The following SLCO3A1 variants were observed in gnomAD, a reference collection of about 807,000 sequenced individuals.
The protein encoded by SLCO3A1 is solute carrier organic anion transporter family member 3A1, also known as PGE1 transporter.
Under a neutral mutation model 63.1 loss-of-function variants are expected in SLCO3A1, and 27 were observed. That is an observed-to-expected ratio of 0.43 (90% CI 0.32 to 0.59). SLCO3A1 has a LOEUF of 0.59. Among genes scored for constraint, SLCO3A1 ranks in the 20% least tolerant of loss-of-function variants. SLCO3A1 has a pLI of 0.09. For synonymous variants in SLCO3A1, 473 were observed against 409.9 expected, an observed-to-expected ratio of 1.15 and a Z score of -1.86; for missense variants, 773 against 945.8, an observed-to-expected ratio of 0.82 and a Z score of 2.40.
At chr15:91,892,074 C>T (rs1597095532) in intron 1 of SLCO3A1, among the ~76,000 whole-genome samples, 1 of 152,130 alleles carries the variant, frequency 6.6e-6, no homozygotes, top group South Asian at 2.1e-4. Flanking sequence ...ACAGGCTGCC[C>T]CCTCCCCCCA....
At chr15:92,002,509 T>C (rs1374776341) in intron 2 of SLCO3A1, among the ~76,000 whole-genome samples, 1 of 152,200 alleles carries the variant, frequency 6.6e-6, no homozygotes, top group African/African-American at 2.4e-5. Context: ...TCTTCTGTTT[T>C]AAGAAAAAAA....
intron 2 of SLCO3A1, among the ~76,000 whole-genome samples, chr15:92,016,245 A>AT (rs199928312): frequency 5.8e-3 from 319 of 55,014 alleles, no homozygotes; most frequent in East Asian, 0.023. Flanking sequence ...AGATAGATAG[A>AT]TAGATAGATT....
In SLCO3A1 at chr15:92,163,139, C is replaced by G. The variant is rs759055213; in HGVS notation, c.*4C>G. On this transcript the variant is annotated 3_prime_UTR_variant, in exon 10 of 10. Transcript: ENST00000318445. ...AAACATGGAGTCCGTTTTATAGTGA[C>G]TAAAGGAGGGCTGAACTCTGTATTA... 1.3e-6 allele frequency: 2 copies of G among 1,504,726 alleles called. No homozygotes were observed. The highest frequency in any genetic ancestry group is 1.8e-6 in the Non-Finnish European group (2 of 1,128,788). The allele number at this position is 1,504,726 out of a possible 1,614,324, so 93.2% of individuals were successfully genotyped here.
At chr15:92,172,005 G>T (rs970137118) in exon 11 of SLCO3A1, 2 of 656,600 alleles carry the variant, frequency 3.0e-6, no homozygotes, top group African/African-American at 1.8e-5. Flanking sequence ...GTCCTTTGAG[G>T]CCCCAAGCGC....
chr15:91,926,598 C>CGCGT (rs1555450184), intron 2 of SLCO3A1, among the ~76,000 whole-genome samples: 11 of 25,606 alleles, frequency 4.3e-4, no homozygotes, highest in African/African-American at 4.4e-4. Flanking sequence ...TGTGTGTGTG[C>CGCGT]GCGCGCGCAC....
intron 2 of SLCO3A1, among the ~76,000 whole-genome samples, chr15:92,012,066 G>A (rs1362753844): frequency 1.3e-5 from 2 of 152,240 alleles, no homozygotes; most frequent in Admixed American, 1.3e-4. Context: ...AGCCCAGAGA[G>A]GAAGAGACAG....
At chr15:92,024,645 A>G (rs2046549016) in intron 2 of SLCO3A1, among the ~76,000 whole-genome samples, 1 of 152,240 alleles carries the variant, frequency 6.6e-6, no homozygotes, top group Non-Finnish European at 1.5e-5. Flanking sequence ...CAAAATCTTC[A>G]TGCTGCTTAC....
At chr15:92,036,708 T>G (rs753775934) in intron 2 of SLCO3A1, among the ~76,000 whole-genome samples, 33 of 152,196 alleles carry the variant, frequency 2.2e-4, no homozygotes, top group Admixed American at 7.9e-4. Flanking sequence ...AGTCAGGTGG[T>G]CTCTGAGACT....
intron 9 of SLCO3A1, among the ~76,000 whole-genome samples, chr15:92,156,702 C>T (rs1459103010): frequency 6.6e-6 from 1 of 152,234 alleles, no homozygotes; most frequent in African/African-American, 2.4e-5. Context: ...CAGCATCTCC[C>T]TTTCTAGCTG....
rs970938457 is a variant in SLCO3A1, at chr15:92,101,085, C to T, written c.746-3194C>T. Among the ~76,000 whole-genome samples the T allele has an allele frequency of 2.6e-5, 4 of 152,342 alleles. No homozygotes were observed. The South Asian group carries it at 8.3e-4, about 32-fold the overall frequency. On this transcript the variant is annotated intron_variant, in intron 3 of 9. Coordinates refer to ENST00000318445, the MANE Select transcript of SLCO3A1 (RefSeq NM_013272.4). Reference sequence around the variant, plus strand: ...CTGATAACATCTACCACACCGTCCTCTTCCAGCCACACAGAGAACTCTCCC... The same window carrying T: ...CTGATAACATCTACCACACCGTCCTTTTCCAGCCACACAGAGAACTCTCCC...
At chr15:92,109,700 G>A (rs8042808) in intron 4 of SLCO3A1, among the ~76,000 whole-genome samples, 2,232 of 152,300 alleles carry the variant, frequency 0.015, 55 homozygotes, top group African/African-American at 0.051. Context: ...CAGGGCTGGG[G>A]CCTCAGGCTC....
At chr15:92,091,433 C>T (rs946482480) in intron 2 of SLCO3A1, among the ~76,000 whole-genome samples, 1 of 152,208 alleles carries the variant, frequency 6.6e-6, no homozygotes, top group Non-Finnish European at 1.5e-5. Context: ...TCAGGCAGAA[C>T]ATTCGAGCTG....
intron 1 of SLCO3A1, among the ~76,000 whole-genome samples, chr15:91,877,938 G>A (rs1291349508): frequency 6.6e-6 from 1 of 152,104 alleles, no homozygotes; most frequent in Non-Finnish European, 1.5e-5. Context: ...CACACAGGGA[G>A]CATCCTGTGG....
intron 2 of SLCO3A1, among the ~76,000 whole-genome samples, chr15:92,023,488 G>A (rs888422318): frequency 1.3e-5 from 2 of 149,366 alleles, no homozygotes; most frequent in Non-Finnish European, 3.0e-5. Context: ...TTTTTTTTAA[G>A]ACAGTGTCAC....
chr15:92,086,840 G>C (rs1259249639), intron 2 of SLCO3A1, among the ~76,000 whole-genome samples: 2 of 152,002 alleles, frequency 1.3e-5, no homozygotes, highest in East Asian at 1.9e-4. Flanking sequence ...GCCAGGCATG[G>C]TGCCACACGC....
At chr15:91,889,683 T>G (rs1377688153) in intron 1 of SLCO3A1, among the ~76,000 whole-genome samples, 1 of 152,270 alleles carries the variant, frequency 6.6e-6, no homozygotes, top group Non-Finnish European at 1.5e-5. Context: ...TCTCTACATG[T>G]TCCTTTAGGC....
chr15:92,052,492 G>C (rs1013119461), intron 2 of SLCO3A1, among the ~76,000 whole-genome samples: 2 of 152,186 alleles, frequency 1.3e-5, no homozygotes, highest in African/African-American at 4.8e-5. Flanking sequence ...GCTAGGGAAA[G>C]AGTTCTTTCT....
At position 92,111,016 on chromosome 15, in the gene SLCO3A1, C is replaced by T. The variant is rs141203705; in HGVS notation, c.1009+6474C>T. Among the ~76,000 whole-genome samples the T allele has an allele frequency of 2.8e-3, 427 of 152,300 alleles. 1 individual carries two copies. The highest frequency in any genetic ancestry group is 9.9e-3 in the African/African-American group (411 of 41,558). On this transcript the variant is annotated intron_variant, in intron 4 of 9. Coordinates refer to ENST00000318445, the MANE Select transcript of SLCO3A1 (RefSeq NM_013272.4). ...AGCCCTGGTGCCAAAACTGACTTGC[C>T]CTGGGGACTCTGGGCTTCATGTTGT...
chr15:91,995,700 A>G (rs575062082), intron 2 of SLCO3A1, among the ~76,000 whole-genome samples: 47 of 151,802 alleles, frequency 3.1e-4, no homozygotes, highest in Admixed American at 2.8e-3. Context: ...ACCCTGGAGG[A>G]AAAAAGTTAT....
Sources: allele counts gnomAD v4.1 joint callset (sites outside exome capture counted in the v4.1 genomes callset), GRCh38; gene constraint gnomAD v4.1.1; transcripts MANE v1.5; gene names NCBI Gene and HGNC (gene_info 2026-07-23, HGNC 2026-07-21).